The following DCC variants were observed in gnomAD, a reference collection of about 807,000 sequenced individuals.
DCC encodes the protein netrin receptor DCC.
In DCC, 58 loss-of-function variants were observed where a neutral mutation model predicts 172.5. That is an observed-to-expected ratio of 0.34 (90% CI 0.27 to 0.42). The LOEUF is 0.42. Ranked by LOEUF, DCC falls within the 10% of genes least tolerant of loss-of-function variation. The probability of loss-of-function intolerance (pLI) is 1.00; values close to 1 mark genes in which losing one functional copy is unlikely to be tolerated. For missense variants in DCC, 1,740 were observed against 1,791.0 expected (o/e 0.97, Z 0.51); for synonymous variants, 709 against 644.5 (o/e 1.10, Z -1.52).
intron 7 of DCC, among the ~76,000 whole-genome samples, chr18:53,075,165 G>T (rs1030549526): frequency 1.3e-5 from 2 of 152,104 alleles, no homozygotes; most frequent in Non-Finnish European, 2.9e-5. Context: ...TAGGTTTTTA[G>T]CCTAGTGGAC....
At position 53,410,487 on chromosome 18, in the gene DCC, C is replaced by T; in HGVS notation, c.2971C>T (p.Pro991Ser). The T allele has an allele frequency of 6.2e-7, 1 of 1,609,976 alleles. No homozygotes were observed. The highest frequency in any genetic ancestry group is 8.5e-7 in the Non-Finnish European group (1 of 1,176,354). Residue 991 changes from proline to serine, a missense_variant, in exon 20 of 29, where the codon CCA becomes TCA. This residue lies in a region of DCC where 1,732 missense variants were observed against 1,767.4 expected (regional missense o/e 0.98). Coordinates refer to ENST00000442544, the MANE Select transcript of DCC (RefSeq NM_005215.4). ...ATTTTATACCTTGGACAAGAACATC[C>T]CAATTGATGACTGGATTATGGAAAC... is the stretch of plus-strand genomic sequence containing the variant. ...ILFYTLDKNI[P>S]IDDWIMETIS...
chr18:53,372,097 C>T (rs114443154), intron 15 of DCC, among the ~76,000 whole-genome samples: 339 of 152,206 alleles, frequency 2.2e-3, no homozygotes, highest in African/African-American at 7.8e-3. Flanking sequence ...TTTGACTGAG[C>T]AATCCTATTA....
intron 12 of DCC, among the ~76,000 whole-genome samples, chr18:53,246,425 T>G (rs2056365536): frequency 6.6e-6 from 1 of 152,030 alleles, no homozygotes; most frequent in African/African-American, 2.4e-5. Flanking sequence ...ACATCACTAC[T>G]TGGATCTGAG....
chr18:52,690,707 G>A (rs1027966877), intron 1 of DCC, among the ~76,000 whole-genome samples: 1 of 152,040 alleles, frequency 6.6e-6, no homozygotes, highest in African/African-American at 2.4e-5. Flanking sequence ...TAATGATTCT[G>A]CTTTATGGAA....
chr18:53,031,815 T>A (rs1042307997), intron 5 of DCC, among the ~76,000 whole-genome samples: 1 of 152,132 alleles, frequency 6.6e-6, no homozygotes, highest in African/African-American at 2.4e-5. Context: ...CATATGTTTT[T>A]AATTATATTG....
chr18:53,305,901 C>G (rs894761803), intron 13 of DCC, among the ~76,000 whole-genome samples, 182 bp downstream of exon 13: 1 of 152,180 alleles, frequency 6.6e-6, no homozygotes, highest in East Asian at 1.9e-4. Flanking sequence ...AATGTTTTCA[C>G]TATATATTTC....
chr18:53,428,284 A>C (rs1911194131), intron 21 of DCC, among the ~76,000 whole-genome samples: 1 of 93,588 alleles, frequency 1.1e-5, no homozygotes, highest in Non-Finnish European at 1.8e-5. Context: ...ATAATAAATT[A>C]TATAGAATAT....
At chr18:52,795,712 C>CA (rs2037862261) in intron 2 of DCC, among the ~76,000 whole-genome samples, 1 of 151,922 alleles carries the variant, frequency 6.6e-6, no homozygotes, top group Non-Finnish European at 1.5e-5. Flanking sequence ...AATCTGTCCA[C>CA]TTTTATGATG....
intron 1 of DCC, among the ~76,000 whole-genome samples, chr18:52,609,657 CT>C (rs2034207855): frequency 1.3e-5 from 2 of 151,490 alleles, no homozygotes; most frequent in Admixed American, 1.3e-4. Context: ...CACAACTTTG[CT>C]GTAGAATTTT....
intron 5 of DCC, among the ~76,000 whole-genome samples, chr18:52,975,606 T>A (rs1423913724): frequency 1.3e-5 from 2 of 152,134 alleles, no homozygotes; most frequent in Non-Finnish European, 2.9e-5. Context: ...TGACAACATG[T>A]GGTATTTGGT....
chr18:53,058,061 G>A (rs1325255772), intron 5 of DCC, among the ~76,000 whole-genome samples: 2 of 152,018 alleles, frequency 1.3e-5, no homozygotes, highest in Admixed American at 1.3e-4. Flanking sequence ...TAACATCTGA[G>A]GAATGCAATT....
At chr18:53,061,953 C>G (rs138998186) in intron 5 of DCC, among the ~76,000 whole-genome samples, 1 of 152,092 alleles carries the variant, frequency 6.6e-6, no homozygotes, top group African/African-American at 2.4e-5. Context: ...CAGAATGGAA[C>G]TGTTTCCATA....
At chr18:52,725,391 C>A (rs1289199840) in intron 1 of DCC, among the ~76,000 whole-genome samples, 1 of 152,190 alleles carries the variant, frequency 6.6e-6, no homozygotes, top group Non-Finnish European at 1.5e-5. Context: ...CAAGTTCTTG[C>A]AAGAATGTCA....
At chr18:52,941,579 G>A (rs1392275392) in intron 5 of DCC, among the ~76,000 whole-genome samples, 2 of 151,240 alleles carry the variant, frequency 1.3e-5, no homozygotes, top group South Asian at 2.1e-4. Flanking sequence ...GCATATACAT[G>A]TATACATTTA....
Position 53,467,934 on chromosome 18 carries a change from G to A in DCC, c.3660G>A (p.Leu1220=). Reference sequence around the variant, plus strand: ...AAGCAGGGAGCTCTATGTCCACTCTGGAGAGGTCGCTGGCTGCACGCCGAG... The same window carrying A: ...AAGCAGGGAGCTCTATGTCCACTCTAGAGAGGTCGCTGGCTGCACGCCGAG... ...TEEAGSSMST[L]ERSLAARRAP... The change falls in exon 25 of 29, where the codon CTG becomes CTA. Residue 1220 remains leucine (L), a synonymous_variant. Transcript: ENST00000442544. 1 of 1,612,524 alleles carries A rather than the reference G, an allele frequency of 6.2e-7. No homozygotes were observed. Among genetic ancestry groups the A allele is most frequent in the Non-Finnish European group, 8.5e-7 (1 of 1,178,632 alleles).
At chr18:53,296,120 A>G (rs1304858550) in intron 12 of DCC, among the ~76,000 whole-genome samples, 1 of 151,926 alleles carries the variant, frequency 6.6e-6, no homozygotes, top group East Asian at 1.9e-4. Flanking sequence ...CAAATGTTCA[A>G]TTGTTGGGTC....
rs560152683 is a variant in DCC, at chr18:52,413,945, C to T, written c.91+73067C>T. ...CTGCAAATAGAATGATTTGTCATTA[C>T]GTACACGTGTGTATCTATGCTTAAA... On this transcript the variant is annotated intron_variant, in intron 1 of 28. Coordinates refer to ENST00000442544, the MANE Select transcript of DCC (RefSeq NM_005215.4). 2.4e-4 allele frequency among the ~76,000 whole-genome samples: 36 copies of T among 152,224 alleles called. No homozygotes were observed. In the Middle Eastern group the frequency reaches 0.014, roughly 58 times the overall value.
intron 2 of DCC, among the ~76,000 whole-genome samples, chr18:52,856,905 G>T (rs945728879): frequency 1.3e-5 from 2 of 152,086 alleles, no homozygotes; most frequent in Non-Finnish European, 2.9e-5. Context: ...AACAAATTAG[G>T]TATGAATTTT....
chr18:53,427,586 T>A (rs1488540593), intron 21 of DCC, among the ~76,000 whole-genome samples: 2 of 151,712 alleles, frequency 1.3e-5, no homozygotes, highest in Non-Finnish European at 2.9e-5. Context: ...GTGTAGTTAT[T>A]GTCACATAGG....
Sources: gnomAD v4.1 joint callset for allele counts (sites outside exome capture counted in the v4.1 genomes callset) on GRCh38, gnomAD v4.1.1 for gene constraint, gnomAD v4.1.1 regional missense constraint, MANE v1.5 for transcripts, NCBI Gene and HGNC (gene_info 2026-07-23, HGNC 2026-07-21) for gene names.